The following NCAM2 variants were observed in gnomAD, a reference collection of about 807,000 sequenced individuals.
The protein encoded by NCAM2 is neural cell adhesion molecule 2.
NCAM2 carries 30 observed loss-of-function variants against 98.1 expected under a neutral mutation model. That is an observed-to-expected ratio of 0.31 (90% CI 0.23 to 0.41). The LOEUF (loss-of-function observed/expected upper bound fraction) is 0.41, where lower values mean the gene tolerates loss of function less well. Ranked by LOEUF, NCAM2 falls within the 10% of genes least tolerant of loss-of-function variation. The pLI is 1.00. For synonymous variants in NCAM2, 368 were observed against 342.4 expected, an observed-to-expected ratio of 1.07 and a Z score of -0.83; for missense variants, 867 against 1,005.8, an observed-to-expected ratio of 0.86 and a Z score of 1.87.
At chr21:21,406,168 T>G (rs1293777198) in intron 9 of NCAM2, among the ~76,000 whole-genome samples, 1 of 152,152 alleles carries the variant, frequency 6.6e-6, no homozygotes, top group Non-Finnish European at 1.5e-5. Flanking sequence ...TGCTCAAGAC[T>G]ATTGCAATAG....
intron 1 of NCAM2, among the ~76,000 whole-genome samples, chr21:21,232,562 G>A (rs1168938513): frequency 6.6e-6 from 1 of 151,488 alleles, no homozygotes. Context: ...AGGATTTAGA[G>A]TATTTAAAAA....
At chr21:21,537,192 G>T (rs1470594562) in intron 17 of NCAM2, among the ~76,000 whole-genome samples, 1 of 151,804 alleles carries the variant, frequency 6.6e-6, no homozygotes, top group Non-Finnish European at 1.5e-5. Flanking sequence ...TCCACCTCCC[G>T]GTTCAAGTGA....
At chr21:21,345,494 T>G (rs2075162747) in intron 8 of NCAM2, among the ~76,000 whole-genome samples, 1 of 152,020 alleles carries the variant, frequency 6.6e-6, no homozygotes, top group South Asian at 2.1e-4. Flanking sequence ...TATTGAAGAA[T>G]GCATTAGAGT....
At chr21:21,280,169 CGTGT>C (rs3831437) in intron 1 of NCAM2, among the ~76,000 whole-genome samples, 34 of 150,354 alleles carry the variant, frequency 2.3e-4, no homozygotes, top group Non-Finnish European at 4.0e-4. Flanking sequence ...AGTTAATTTG[CGTGT>C]GTGTGTGTGT....
intron 1 of NCAM2, among the ~76,000 whole-genome samples, chr21:21,118,255 T>C (rs991412892): frequency 3.3e-5 from 5 of 152,204 alleles, no homozygotes; most frequent in Non-Finnish European, 5.9e-5. Flanking sequence ...AGCAAGAAGC[T>C]AGGCATAGGC....
intron 1 of NCAM2, among the ~76,000 whole-genome samples, chr21:21,183,374 G>A (rs570238259): frequency 6.0e-4 from 92 of 152,204 alleles, no homozygotes; most frequent in Non-Finnish European, 1.1e-3. Context: ...CAGAGCCACC[G>A]TGGATAGTGT....
intron 1 of NCAM2, chr21:21,210,602 A>G (rs1186177143): frequency 7.8e-7 from 1 of 1,288,988 alleles, no homozygotes; most frequent in East Asian, 5.6e-5. Context: ...TACCTTGATT[A>G]TCACAACAGG....
At chr21:21,029,543 G>A (rs1277395334) in intron 1 of NCAM2, among the ~76,000 whole-genome samples, 1 of 152,172 alleles carries the variant, frequency 6.6e-6, no homozygotes, top group Non-Finnish European at 1.5e-5. Flanking sequence ...TGTCACAATA[G>A]CATTGCCTTT....
chr21:21,486,181 G>A (rs1347379109), intron 15 of NCAM2, among the ~76,000 whole-genome samples: 1 of 151,772 alleles, frequency 6.6e-6, no homozygotes, highest in Admixed American at 6.6e-5. Flanking sequence ...GCGGGCGCCT[G>A]TAGTCCCAGC....
intron 1 of NCAM2, among the ~76,000 whole-genome samples, chr21:21,015,033 A>G (rs1406295216): frequency 2.6e-5 from 4 of 152,324 alleles, no homozygotes; most frequent in African/African-American, 9.6e-5. Flanking sequence ...TGGGACTGAA[A>G]TTCTGCAATC....
At chr21:21,478,704 C>G (rs1985475026) in intron 15 of NCAM2, among the ~76,000 whole-genome samples, 1 of 152,028 alleles carries the variant, frequency 6.6e-6, no homozygotes, top group African/African-American at 2.4e-5. Context: ...TGGTATGTTA[C>G]ATTTTAAGGA....
At chr21:21,091,262 G>T (rs2066006880) in intron 1 of NCAM2, among the ~76,000 whole-genome samples, 1 of 152,102 alleles carries the variant, frequency 6.6e-6, no homozygotes. Flanking sequence ...ATATAGTTCT[G>T]CTGTAGCTTA....
At chr21:21,403,284 T>C (rs1306467456) in intron 9 of NCAM2, among the ~76,000 whole-genome samples, 1 of 152,194 alleles carries the variant, frequency 6.6e-6, no homozygotes, top group Non-Finnish European at 1.5e-5. Context: ...GGAATCTTTC[T>C]CTGGGTTGCA....
chr21:21,442,083 G>C (rs377762277), intron 12 of NCAM2, among the ~76,000 whole-genome samples: 4 of 152,110 alleles, frequency 2.6e-5, no homozygotes, highest in Non-Finnish European at 5.9e-5. Context: ...TTGTAAGATC[G>C]CACAGGACTT....
chr21:21,504,176 A>G (rs1987821573), intron 15 of NCAM2, among the ~76,000 whole-genome samples: 1 of 151,956 alleles, frequency 6.6e-6, no homozygotes, highest in Non-Finnish European at 1.5e-5. Context: ...ACACAAGTAT[A>G]AAAAGTATAC....
At chr21:21,453,724 A>C (rs771624137) in intron 12 of NCAM2, among the ~76,000 whole-genome samples, 3 of 152,044 alleles carry the variant, frequency 2.0e-5, no homozygotes, top group Non-Finnish European at 4.4e-5. Context: ...GTATCACTTG[A>C]TATACATTTT....
intron 9 of NCAM2, among the ~76,000 whole-genome samples, chr21:21,392,395 A>T (rs1309515848): frequency 6.6e-6 from 1 of 152,204 alleles, no homozygotes; most frequent in Non-Finnish European, 1.5e-5. Context: ...TATTGTGAAT[A>T]GTGCTGCAGT....
At chr21:21,260,258 A>G (rs2071843625) in intron 1 of NCAM2, among the ~76,000 whole-genome samples, 1 of 152,010 alleles carries the variant, frequency 6.6e-6, no homozygotes, top group African/African-American at 2.4e-5. Context: ...AAAGCGAGCA[A>G]CATGGAAAAC....
Position 21,538,100 on chromosome 21 carries a change from A to C in NCAM2, c.*143A>C. ...TGTACACATATACATATGATCAAAT[A>C]CTCCTGCCCATGATCCATTCCCTTT... On this transcript the variant is annotated 3_prime_UTR_variant, in exon 18 of 18. Transcript: ENST00000400546. 2.4e-6 allele frequency: 1 copy of C among 409,150 alleles called. No individual in the cohort carries two copies. The allele number at this position is 409,150 out of a possible 1,614,324, so 25.3% of individuals were successfully genotyped here.
Sources: allele counts gnomAD v4.1 joint callset (sites outside exome capture counted in the v4.1 genomes callset), GRCh38; gene constraint gnomAD v4.1.1; transcripts MANE v1.5; gene names NCBI Gene and HGNC (gene_info 2026-07-23, HGNC 2026-07-21).